SNCAIP: variants seen among roughly 807,000 people sequenced by gnomAD.
SNCAIP encodes the protein synuclein alpha interacting protein.
A neutral mutation model predicts 86.7 loss-of-function variants in SNCAIP; 43 were observed. The observed-to-expected ratio is 0.50, with a 90% CI of 0.39 to 0.64. SNCAIP has a LOEUF of 0.64. Ranked by LOEUF, SNCAIP falls within the 30% of genes least tolerant of loss-of-function variation. The probability of loss-of-function intolerance (pLI) is 0.00; values close to 1 mark genes in which losing one functional copy is unlikely to be tolerated. For synonymous variants in SNCAIP, 417 were observed against 427.2 expected (o/e 0.98, Z 0.29); for missense variants, 981 against 1,103.1 (o/e 0.89, Z 1.57).
intron 8 of SNCAIP, among the ~76,000 whole-genome samples, chr5:122,446,703 A>G (rs1323940464): frequency 1.3e-5 from 2 of 152,178 alleles, no homozygotes. Context: ...GGAGAAATCA[A>G]CTTGGTACAG....
chr5:122,334,290 G>T (rs1238386051), intron 1 of SNCAIP, among the ~76,000 whole-genome samples: 1 of 149,976 alleles, frequency 6.7e-6, no homozygotes, highest in Non-Finnish European at 1.5e-5. Context: ...AAAAAAAAAT[G>T]AAGCAAGTTT....
chr5:122,395,266 C>T (rs529740274), intron 2 of SNCAIP, among the ~76,000 whole-genome samples: 32 of 152,140 alleles, frequency 2.1e-4, no homozygotes, highest in Non-Finnish European at 4.1e-4. Flanking sequence ...CACACATGCA[C>T]ACAGCCACAT....
chr5:122,450,806 A>T lies in SNCAIP; in HGVS notation c.1959A>T (p.Lys653Asn). ...QDAQASSRNS[K>N]KIPLEKRELK... ...CTCAGGCTTCCTCTAGAAATTCTAA[A>T]AAGATCCCACTGGAGAAGAGGGAAC... Residue 653 changes from lysine (K) to asparagine (N), a missense_variant, in exon 10 of 11, where the codon AAA becomes AAT. Transcript: ENST00000261368. 6.2e-7 allele frequency: 1 copy of T among 1,614,158 alleles called. No individual in the cohort carries two copies. Among genetic ancestry groups the T allele is most frequent in the Non-Finnish European group, 8.5e-7 (1 of 1,180,022 alleles).
intron 8 of SNCAIP, among the ~76,000 whole-genome samples, chr5:122,448,671 T>C (rs952176349): frequency 2.1e-5 from 2 of 96,164 alleles, no homozygotes; most frequent in African/African-American, 6.2e-5. Flanking sequence ...TTATATATAT[T>C]ATATATGTTA....
At chr5:122,440,031 G>A (rs10519701) in intron 6 of SNCAIP, among the ~76,000 whole-genome samples, 1 of 152,084 alleles carries the variant, frequency 6.6e-6, no homozygotes, top group Non-Finnish European at 1.5e-5. Context: ...ACCAACACTT[G>A]GTCAGAAAAT....
At chr5:122,397,487 A>T (rs1209798332) in intron 2 of SNCAIP, among the ~76,000 whole-genome samples, 1 of 152,168 alleles carries the variant, frequency 6.6e-6, no homozygotes, top group East Asian at 1.9e-4. Context: ...CCAACCACAA[A>T]CAATGTCTTA....
chr5:122,369,198 G>A (rs1285907362), intron 1 of SNCAIP, among the ~76,000 whole-genome samples: 1 of 152,142 alleles, frequency 6.6e-6, no homozygotes, highest in Non-Finnish European at 1.5e-5. Flanking sequence ...CAATTTAAAG[G>A]AGCAAATGCC....
chr5:122,450,973 A>G lies in SNCAIP; in HGVS notation c.2126A>G (p.Glu709Gly). Residue 709 changes from glutamate to glycine, a missense_variant, in exon 10 of 11, where the codon GAG (glutamate) becomes GGG (glycine). Transcript: ENST00000261368. ...CCGCAGCCCATTGTAGAAAGCGTAG[A>G]GAGTATGGACAGCGCAGAAAGCCTG... ...PRPQPIVESV[E>G]SMDSAESLHL... 5 of 1,614,160 alleles carry G rather than the reference A, an allele frequency of 3.1e-6. No individual in the cohort carries two copies. The highest frequency in any genetic ancestry group is 1.3e-5 in the African/African-American group (1 of 75,036).
At chr5:122,317,727 A>G (rs1752070559) in intron 1 of SNCAIP, among the ~76,000 whole-genome samples, 1 of 152,204 alleles carries the variant, frequency 6.6e-6, no homozygotes. Flanking sequence ...CTGTGCGTGC[A>G]GAAACAGCAG....
chr5:122,365,931 C>T (rs1025823207), intron 1 of SNCAIP, among the ~76,000 whole-genome samples: 1 of 152,054 alleles, frequency 6.6e-6, no homozygotes. Context: ...GGCAGGTAGA[C>T]AACCTAGACT....
intron 1 of SNCAIP, among the ~76,000 whole-genome samples, chr5:122,344,270 T>G (rs1164681217): frequency 1.3e-5 from 2 of 152,230 alleles, no homozygotes; most frequent in Non-Finnish European, 2.9e-5. Context: ...AGTCAATTAT[T>G]TAGAGACACT....
At chr5:122,358,230 A>G (rs1761488783) in intron 1 of SNCAIP, among the ~76,000 whole-genome samples, 1 of 143,362 alleles carries the variant, frequency 7.0e-6, no homozygotes, top group African/African-American at 2.6e-5. Flanking sequence ...AAATACTTTA[A>G]GTTCTAGGGT....
intron 10 of SNCAIP, chr5:122,451,902 T>C (rs565201940): frequency 1.0e-4 from 31 of 308,318 alleles, no homozygotes; most frequent in African/African-American, 5.2e-4. Context: ...GTCCTAGACT[T>C]GGAGGCATTT....
At chr5:122,448,256 T>C (rs1219597873) in intron 8 of SNCAIP, among the ~76,000 whole-genome samples, 2 of 152,084 alleles carry the variant, frequency 1.3e-5, no homozygotes, top group Admixed American at 6.5e-5. Flanking sequence ...TTTCTGCTAA[T>C]TGTATTATTA....
chr5:122,348,653 T>C (rs957918293), intron 1 of SNCAIP, among the ~76,000 whole-genome samples: 1 of 151,964 alleles, frequency 6.6e-6, no homozygotes, highest in African/African-American at 2.4e-5. Flanking sequence ...TGTTGAAAAA[T>C]TGCCTGAGTC....
At chr5:122,408,149 C>T (rs1773389553) in intron 3 of SNCAIP, among the ~76,000 whole-genome samples, 1 of 152,200 alleles carries the variant, frequency 6.6e-6, no homozygotes, top group South Asian at 2.1e-4. Flanking sequence ...CAGTTACCAG[C>T]ATCCCTCTTA....
chr5:122,361,092 T>C (rs1036900553), intron 1 of SNCAIP, among the ~76,000 whole-genome samples: 2 of 151,970 alleles, frequency 1.3e-5, no homozygotes, highest in African/African-American at 4.8e-5. Flanking sequence ...ATCAGTTCTT[T>C]CAGCAAAATT....
At chr5:122,430,035 T>C (rs1394462986) in intron 5 of SNCAIP, among the ~76,000 whole-genome samples, 1 of 152,104 alleles carries the variant, frequency 6.6e-6, no homozygotes, top group Non-Finnish European at 1.5e-5. Flanking sequence ...AACAACCTTC[T>C]CGGGCAAATA....
intron 6 of SNCAIP, among the ~76,000 whole-genome samples, chr5:122,438,754 T>A (rs887339154): frequency 6.6e-6 from 1 of 152,214 alleles, no homozygotes; most frequent in African/African-American, 2.4e-5. Context: ...TTTTCTGACT[T>A]ATAAAATAAG....
Sources: allele counts gnomAD v4.1 joint callset (sites outside exome capture counted in the v4.1 genomes callset), GRCh38; gene constraint gnomAD v4.1.1; transcripts MANE v1.5; gene names NCBI Gene and HGNC (gene_info 2026-07-23, HGNC 2026-07-21).